Variants in ASTN1 observed in about 807,000 individuals in gnomAD.
ASTN1 encodes astrotactin-1.
A neutral mutation model predicts 140.7 loss-of-function variants in ASTN1; 41 were observed. The ratio of observed to expected loss-of-function variants is 0.29; its 90% CI spans 0.23 to 0.38. The LOEUF is 0.38. Among genes scored for constraint, ASTN1 ranks in the 10% least tolerant of loss-of-function variants. The pLI, the probability that ASTN1 is intolerant of heterozygous loss-of-function variation, is 1.00. For missense variants in ASTN1, 1,479 were observed against 1,678.8 expected, an observed-to-expected ratio of 0.88 and a Z score of 2.08; for synonymous variants, 640 against 652.2, an observed-to-expected ratio of 0.98 and a Z score of 0.29.
chr1:177,145,089 T>A (rs1372106938), intron 1 of ASTN1, among the ~76,000 whole-genome samples: 5 of 152,164 alleles, frequency 3.3e-5, no homozygotes, highest in Non-Finnish European at 7.4e-5. Context: ...CTCTAAGATT[T>A]TGAGAAACTC....
chr1:177,137,049 G>A (rs980369679), intron 1 of ASTN1, among the ~76,000 whole-genome samples: 6 of 152,146 alleles, frequency 3.9e-5, no homozygotes, highest in Non-Finnish European at 5.9e-5. Flanking sequence ...GCAAATGGGA[G>A]GGGGTGGTAA....
At chr1:177,068,982 C>T (rs1054401993) in intron 1 of ASTN1, among the ~76,000 whole-genome samples, 14 of 151,724 alleles carry the variant, frequency 9.2e-5, no homozygotes, top group Non-Finnish European at 1.6e-4. Context: ...GCCACCATGC[C>T]CTGCTAATAT....
intron 1 of ASTN1, among the ~76,000 whole-genome samples, chr1:177,105,816 C>T (rs1680523038): frequency 6.6e-6 from 1 of 152,100 alleles, no homozygotes; most frequent in Admixed American, 6.6e-5. Flanking sequence ...ATTTTCATGT[C>T]CATTTCACTG....
At chr1:176,933,755 G>A (rs1017146248) in intron 16 of ASTN1, among the ~76,000 whole-genome samples, 2 of 152,124 alleles carry the variant, frequency 1.3e-5, no homozygotes, top group African/African-American at 4.8e-5. Context: ...TGCTATAAAG[G>A]GATTCCAGGC....
chr1:177,155,682 TAAGCA>T (rs879635623), intron 1 of ASTN1, among the ~76,000 whole-genome samples: 11 of 152,110 alleles, frequency 7.2e-5, no homozygotes, highest in Non-Finnish European at 1.5e-4. Context: ...TGGAGTAGGA[TAAGCA>T]AGGGGAGGAA....
rs891703951 is a variant in ASTN1, at chr1:176,939,541, G to C, written c.2378-3171C>G. 2.6e-5 allele frequency among the ~76,000 whole-genome samples: 4 copies of C among 152,186 alleles called. No homozygotes were observed. The East Asian group carries it at 7.7e-4, about 29-fold the overall frequency. ...AATAATTCCATTAGTTAAAAAGAAA[G>C]GGGTATTTTAAAAGATATATATTTT... On this transcript the variant is annotated intron_variant, in intron 14 of 22. Coordinates refer to ENST00000361833, the MANE Select transcript of ASTN1 (RefSeq NM_004319.3).
At position 176,934,188 on chromosome 1, in the gene ASTN1, G is replaced by A. The variant is rs773559551; in HGVS notation, c.2635C>T (p.Arg879Trp). The part of the protein sequence containing the change: ...SIWYPNKQVQ[R>W]RLWLEYEDIS... ...TCTTCATACTCCAGCCAGAGTCGCC[G>A]CTGGACCTGCTTGTTTGGGTACCAG... is the stretch of plus-strand genomic sequence containing the variant. Residue 879 changes from arginine (R) to tryptophan (W), a missense_variant, in exon 16 of 23, where the codon CGG becomes TGG. Arg to Trp is a moderately radical substitution (Grantham distance 101). Coordinates refer to ENST00000361833, the MANE Select transcript of ASTN1 (RefSeq NM_004319.3). 1.2e-4 allele frequency: 198 copies of A among 1,613,176 alleles called. 1 individual carries two copies. In the East Asian group the frequency reaches 2.4e-3, roughly 19 times the overall value.
At chr1:177,160,853 G>A (rs1352326474) in intron 1 of ASTN1, among the ~76,000 whole-genome samples, 1 of 152,194 alleles carries the variant, frequency 6.6e-6, no homozygotes, top group Admixed American at 6.5e-5. Context: ...TCTGAAAGCA[G>A]GGGTTTAGGT....
chr1:176,869,105 C>G (rs538616275), intron 21 of ASTN1, 78 bp from the exon 22 acceptor site: 6 of 980,724 alleles, frequency 6.1e-6, no homozygotes, highest in Non-Finnish European at 8.4e-6. Flanking sequence ...TATATATGAT[C>G]TATATCATAT....
chr1:177,004,785 T>G (rs181004486), intron 8 of ASTN1, among the ~76,000 whole-genome samples: 1 of 152,106 alleles, frequency 6.6e-6, no homozygotes, highest in Non-Finnish European at 1.5e-5. Flanking sequence ...TGCAGAGGAA[T>G]TAAACGGGAT....
intron 16 of ASTN1, among the ~76,000 whole-genome samples, chr1:176,907,364 A>G (rs956436271): frequency 6.6e-6 from 1 of 152,154 alleles, no homozygotes; most frequent in African/African-American, 2.4e-5. Context: ...ATTTAATATC[A>G]TTACTGTTTG....
intron 1 of ASTN1, among the ~76,000 whole-genome samples, chr1:177,108,724 G>A (rs1347233911): frequency 6.6e-6 from 1 of 152,200 alleles, no homozygotes; most frequent in East Asian, 1.9e-4. Context: ...GAAAGGCAAA[G>A]GGAGAAATGA....
intron 9 of ASTN1, among the ~76,000 whole-genome samples, chr1:176,959,199 AT>A (rs1471869296): frequency 6.6e-6 from 1 of 152,234 alleles, no homozygotes; most frequent in African/African-American, 2.4e-5. Context: ...TTATTTGTTT[AT>A]TTATTCATTC....
chr1:177,125,432 A>G (rs537146407), intron 1 of ASTN1, among the ~76,000 whole-genome samples: 79 of 152,316 alleles, frequency 5.2e-4, no homozygotes, highest in African/African-American at 1.8e-3. Context: ...ATGCTAATAG[A>G]TGAAGTATTG....
intron 16 of ASTN1, among the ~76,000 whole-genome samples, chr1:176,896,266 C>T (rs1382974279): frequency 2.6e-5 from 4 of 152,184 alleles, no homozygotes; most frequent in African/African-American, 9.7e-5. Flanking sequence ...TAATTCATCG[C>T]ATACTTGCAT....
chr1:177,035,167 G>T (rs1169297065), intron 2 of ASTN1, among the ~76,000 whole-genome samples: 2 of 152,192 alleles, frequency 1.3e-5, no homozygotes, highest in Non-Finnish European at 2.9e-5. Flanking sequence ...AGGCGCAGAG[G>T]TTAAATAACT....
chr1:176,965,181 G>C lies in ASTN1; in HGVS notation c.1580C>G (p.Pro527Arg), dbSNP rs766514135. ...CACTTACCTAAATATTTTATCAGAG[G>C]GCTGCTCTCCCAAAACCAGGTCAAA... is the stretch of plus-strand genomic sequence containing the variant. ...RGFDLVLGEQ[P>R]SDKIFRFTYT... The change falls in exon 9 of 23, where the codon CCC becomes CGC. Residue 527 changes from proline (P) to arginine (R), a missense_variant. By Grantham distance (103) the Pro-to-Arg change is moderately radical. Transcript: ENST00000361833. The C allele has an allele frequency of 4.3e-6, 7 of 1,613,720 alleles. No homozygotes were observed. Among genetic ancestry groups the C allele is most frequent in the Non-Finnish European group, 5.9e-6 (7 of 1,179,830 alleles).
At chr1:176,923,007 A>G (rs1445556338) in intron 16 of ASTN1, among the ~76,000 whole-genome samples, 1 of 152,190 alleles carries the variant, frequency 6.6e-6, no homozygotes, top group Non-Finnish European at 1.5e-5. Context: ...ACAACCTTTT[A>G]ATATAAGTAT....
At chr1:177,014,960 G>T in intron 7 of ASTN1, 85 bp from the exon 8 acceptor site, 1 of 1,279,870 alleles carries the variant, frequency 7.8e-7, no homozygotes, top group Non-Finnish European at 1.1e-6. Context: ...ACATGAAATA[G>T]TCAGGGTAAA....
Sources: gnomAD v4.1 joint callset for allele counts (sites outside exome capture counted in the v4.1 genomes callset) on GRCh38, gnomAD v4.1.1 for gene constraint, MANE v1.5 for transcripts, NCBI Gene and HGNC (gene_info 2026-07-23, HGNC 2026-07-21) for gene names.